The following CSMD1 variants were observed in gnomAD, a reference collection of about 807,000 sequenced individuals.
The protein encoded by CSMD1 is CUB and sushi domain-containing protein 1.
A neutral mutation model predicts 417.5 loss-of-function variants in CSMD1; 213 were observed. The observed-to-expected ratio is 0.51, with a 90% CI of 0.46 to 0.57. The LOEUF is 0.57. Ranked by LOEUF, CSMD1 falls within the 20% of genes least tolerant of loss-of-function variation. CSMD1 has a pLI of 0.00. For synonymous variants in CSMD1, 2,862 were observed against 1,736.8 expected, an observed-to-expected ratio of 1.65 and a Z score of -16.11; for missense variants, 6,923 against 4,529.7, an observed-to-expected ratio of 1.53 and a Z score of -15.17.
In CSMD1 at chr8:4,582,857, G is replaced by A. The variant is rs185780156; in HGVS notation, c.302+54485C>T. ...AGGCGCGAGTGGGAACCAGGGCTGT[G>A]CGAGGCACTTGCGGGCCAGCTGGAG... On this transcript the variant is annotated intron_variant, in intron 2 of 69. Coordinates refer to ENST00000635120, the MANE Select transcript of CSMD1 (RefSeq NM_033225.6). Among the ~76,000 whole-genome samples the A allele has an allele frequency of 3.0e-3, 456 of 152,342 alleles. 10 individuals are homozygous for A. The East Asian group carries it at 0.061, about 20-fold the overall frequency.
chr8:4,301,890 C>G (rs902164775), intron 3 of CSMD1, among the ~76,000 whole-genome samples: 1 of 149,394 alleles, frequency 6.7e-6, no homozygotes, highest in South Asian at 2.1e-4. Flanking sequence ...TTGTTGTTCT[C>G]ACTTCAAGTT....
chr8:4,243,683 T>G (rs1468435208), intron 3 of CSMD1, among the ~76,000 whole-genome samples: 2 of 152,140 alleles, frequency 1.3e-5, no homozygotes, highest in African/African-American at 2.4e-5. Flanking sequence ...TAATTTTTGA[T>G]TAAATTTCCA....
chr8:3,403,658 A>C (rs1413660967), intron 15 of CSMD1, among the ~76,000 whole-genome samples: 3 of 152,196 alleles, frequency 2.0e-5, no homozygotes, highest in African/African-American at 4.8e-5. Context: ...GCCAGGACAG[A>C]ACAGAGATGA....
At chr8:3,268,153 A>C (rs1314878656) in intron 26 of CSMD1, among the ~76,000 whole-genome samples, 1 of 151,676 alleles carries the variant, frequency 6.6e-6, no homozygotes, top group African/African-American at 2.4e-5. Flanking sequence ...TGATATCTGA[A>C]TGAATGAATG....
chr8:3,753,855 A>C, intron 6 of CSMD1, 75 bp downstream of exon 6: 1 of 1,040,564 alleles, frequency 9.6e-7, no homozygotes, highest in South Asian at 1.5e-5. Context: ...CAACTCCTAA[A>C]ATTTCATGGC....
At chr8:4,023,966 T>C (rs1040104433) in intron 4 of CSMD1, among the ~76,000 whole-genome samples, 4 of 151,834 alleles carry the variant, frequency 2.6e-5, no homozygotes, top group Admixed American at 1.3e-4. Context: ...AAGAGCGACT[T>C]CATTATTATT....
intron 1 of CSMD1, among the ~76,000 whole-genome samples, chr8:4,972,604 G>T (rs947835682): frequency 6.6e-6 from 1 of 152,012 alleles, no homozygotes; most frequent in Non-Finnish European, 1.5e-5. Flanking sequence ...CTCACCTCAG[G>T]CAGTTCTTTA....
intron 3 of CSMD1, among the ~76,000 whole-genome samples, chr8:4,259,764 G>T (rs779368305): frequency 6.6e-6 from 1 of 151,922 alleles, no homozygotes; most frequent in Non-Finnish European, 1.5e-5. Context: ...ACCCTAAGAA[G>T]AAGAGATTAA....
chr8:4,855,597 G>T (rs558916227), intron 1 of CSMD1, among the ~76,000 whole-genome samples: 21 of 152,288 alleles, frequency 1.4e-4, no homozygotes, highest in South Asian at 6.2e-4. Context: ...AAACCAAGGC[G>T]CGAGAACTAC....
At chr8:3,922,051 T>C (rs1809313618) in intron 5 of CSMD1, among the ~76,000 whole-genome samples, 1 of 152,224 alleles carries the variant, frequency 6.6e-6, no homozygotes, top group South Asian at 2.1e-4. Flanking sequence ...TTGCTATATA[T>C]GTAGGTGCTA....
At chr8:4,844,394 A>G (rs1801015290) in intron 1 of CSMD1, among the ~76,000 whole-genome samples, 1 of 152,092 alleles carries the variant, frequency 6.6e-6, no homozygotes, top group South Asian at 2.1e-4. Context: ...AAATTAACAG[A>G]TCTGAATATG....
intron 18 of CSMD1, among the ~76,000 whole-genome samples, chr8:3,381,224 C>T (rs534951312): frequency 6.6e-6 from 1 of 152,092 alleles, no homozygotes; most frequent in East Asian, 1.9e-4. Flanking sequence ...AGTAAAACAA[C>T]TTGACAAGCC....
chr8:3,290,224 C>T lies in CSMD1; in HGVS notation c.3951-5878G>A, dbSNP rs563051730. Among the ~76,000 whole-genome samples the T allele has an allele frequency of 1.0e-4, 15 of 147,476 alleles. 2 individuals are homozygous for T. Among genetic ancestry groups the T allele is most frequent in the African/African-American group, 4.0e-4 (15 of 37,204 alleles). ...TACCAGTACCATGCTGTTTTGGTTA[C>T]TGTAGCCTTGTAGTGTAGTATGAAG... On this transcript the variant is annotated intron_variant, in intron 25 of 69. Coordinates refer to ENST00000635120, the MANE Select transcript of CSMD1 (RefSeq NM_033225.6).
intron 1 of CSMD1, among the ~76,000 whole-genome samples, chr8:4,707,369 G>T (rs751405333): frequency 6.6e-6 from 1 of 152,114 alleles, no homozygotes; most frequent in Non-Finnish European, 1.5e-5. Context: ...AGAAAATCTA[G>T]ATTTCCAAAA....
chr8:3,829,352 G>C (rs560322302), intron 5 of CSMD1, among the ~76,000 whole-genome samples: 2 of 152,234 alleles, frequency 1.3e-5, no homozygotes, highest in East Asian at 3.9e-4. Context: ...TCTGGTTACT[G>C]AGAACTCTGT....
chr8:4,398,185 A>AT (rs1804389205), intron 3 of CSMD1, among the ~76,000 whole-genome samples: 1 of 152,166 alleles, frequency 6.6e-6, no homozygotes, highest in Admixed American at 6.5e-5. Flanking sequence ...ACAGAACTCC[A>AT]AGTAGCTGAG....
intron 2 of CSMD1, among the ~76,000 whole-genome samples, chr8:4,441,185 A>G (rs375577424): frequency 1.8e-4 from 24 of 133,672 alleles, no homozygotes; most frequent in African/African-American, 6.1e-4. Flanking sequence ...TGCAGTCTCA[A>G]ACTCCTGGGA....
Position 3,592,224 on chromosome 8 carries a change from T to C in CSMD1, c.1098-5964A>G, listed in dbSNP as rs138340631. On this transcript the variant is annotated intron_variant, in intron 8 of 69. Coordinates refer to ENST00000635120, the MANE Select transcript of CSMD1 (RefSeq NM_033225.6). ...ACAGAAAGATAAACAAGTGGATAGA[T>C]AGATACATAGATGGATAGATAGCTA... is the stretch of plus-strand genomic sequence containing the variant. 6.2e-3 allele frequency among the ~76,000 whole-genome samples: 936 copies of C among 152,136 alleles called. 21 individuals are homozygous for C. The highest frequency in any genetic ancestry group is 5.0e-3 in the Non-Finnish European group (343 of 68,010).
Position 3,997,997 on chromosome 8 carries a change from G to T in CSMD1, c.724C>A (p.Pro242Thr). The change falls in exon 5 of 70, where the codon CCC becomes ACC. Residue 242 changes from proline to threonine, a missense_variant. Coordinates refer to ENST00000635120, the MANE Select transcript of CSMD1 (RefSeq NM_033225.6). ...AAGACCAGCGCAATGGTGTCCCCGG[G>T]CTCAGCCAGAATGGTCCAGGTGCAG... ...ADCTWTILAEPGDTIALVFTD... is the reference protein window; with the variant it reads ...ADCTWTILAETGDTIALVFTD... The T allele has an allele frequency of 6.2e-7, 1 of 1,609,938 alleles. No individual in the cohort carries two copies. Among genetic ancestry groups the T allele is most frequent in the Non-Finnish European group, 8.5e-7 (1 of 1,177,932 alleles).
Sources: gnomAD v4.1 joint callset for allele counts (sites outside exome capture counted in the v4.1 genomes callset) on GRCh38, gnomAD v4.1.1 for gene constraint, MANE v1.5 for transcripts, NCBI Gene and HGNC (gene_info 2026-07-23, HGNC 2026-07-21) for gene names.